DOK5: variants seen among roughly 807,000 people sequenced by gnomAD.
DOK5 encodes downstream of tyrosine kinase 5.
DOK5 carries 27 observed loss-of-function variants against 43.3 expected under a neutral mutation model. The observed-to-expected ratio is 0.62, with a 90% CI of 0.46 to 0.86. The LOEUF is 0.86. Among genes scored for constraint, DOK5 ranks in the 40% least tolerant of loss-of-function variants. DOK5 has a pLI of 0.00. For missense variants in DOK5, 373 were observed against 392.9 expected (o/e 0.95, Z 0.43); for synonymous variants, 146 against 140.1 (o/e 1.04, Z -0.30).
intron 1 of DOK5, among the ~76,000 whole-genome samples, chr20:54,476,436 C>T (rs1216744066): frequency 6.6e-6 from 1 of 152,130 alleles, no homozygotes; most frequent in Non-Finnish European, 1.5e-5. Flanking sequence ...CACGCATACT[C>T]GGTGTGAACG....
intron 1 of DOK5, among the ~76,000 whole-genome samples, chr20:54,480,992 A>ATCTATCTG (rs1328542240): frequency 5.5e-4 from 3 of 5,458 alleles, no homozygotes; most frequent in Non-Finnish European, 3.3e-3. Flanking sequence ...ATCATCTATC[A>ATCTATCTG]TCTATCTATC....
chr20:54,534,819 G>GTTTC (rs112769125), intron 1 of DOK5, among the ~76,000 whole-genome samples: 7,242 of 150,532 alleles, frequency 0.048, 349 homozygotes, highest in African/African-American at 0.12. Flanking sequence ...TTGAAAGCAT[G>GTTTC]TTTCTTTCTT....
rs549389683 is a variant in DOK5, at chr20:54,565,219, C to T, written c.174+10179C>T. On this transcript the variant is annotated intron_variant, in intron 2 of 7. Coordinates refer to ENST00000262593, the MANE Select transcript of DOK5 (RefSeq NM_018431.5). ...CTATGTTTTTTCCTATCCATACATA[C>T]CTATGATAAAGTTTAATTCATAAAT... is the stretch of plus-strand genomic sequence containing the variant. Among the ~76,000 whole-genome samples the T allele has an allele frequency of 2.6e-5, 4 of 152,218 alleles. No individual in the cohort carries two copies. The South Asian group carries it at 8.3e-4, about 32-fold the overall frequency.
chr20:54,527,094 TA>T (rs1237482189), intron 1 of DOK5, among the ~76,000 whole-genome samples: 1 of 152,216 alleles, frequency 6.6e-6, no homozygotes, highest in Non-Finnish European at 1.5e-5. Flanking sequence ...ATTTCCTTAA[TA>T]TTTCTGTCTA....
chr20:54,630,132 G>A (rs759664195), intron 6 of DOK5, among the ~76,000 whole-genome samples: 7 of 152,158 alleles, frequency 4.6e-5, no homozygotes, highest in Non-Finnish European at 8.8e-5. Flanking sequence ...CCAGAGCAAG[G>A]GTACGAGCAA....
chr20:54,573,072 A>G (rs1985342550), intron 2 of DOK5, among the ~76,000 whole-genome samples: 3 of 152,224 alleles, frequency 2.0e-5, no homozygotes, highest in African/African-American at 4.8e-5. Flanking sequence ...TATAAGCAAA[A>G]TATGTAGAGT....
chr20:54,584,798 C>A (rs1482018648), intron 2 of DOK5, among the ~76,000 whole-genome samples: 5 of 150,410 alleles, frequency 3.3e-5, no homozygotes, highest in Non-Finnish European at 1.5e-5. Context: ...CACACACACA[C>A]CTTTTCCAGT....
At chr20:54,537,080 C>G (rs77303715) in intron 1 of DOK5, among the ~76,000 whole-genome samples, 3,019 of 152,266 alleles carry the variant, frequency 0.02, 99 homozygotes, top group African/African-American at 0.07. Context: ...CATGAGCAGA[C>G]AGAATCCCTA....
chr20:54,576,899 C>G (rs1052948506), intron 2 of DOK5, among the ~76,000 whole-genome samples: 55 of 152,116 alleles, frequency 3.6e-4, no homozygotes, highest in Non-Finnish European at 1.5e-5. Context: ...TTTCGCATTT[C>G]CAAGTGGTGT....
chr20:54,569,123 A>G (rs1985200928), intron 2 of DOK5, among the ~76,000 whole-genome samples: 1 of 152,126 alleles, frequency 6.6e-6, no homozygotes. Context: ...ACACATATAA[A>G]TTAGTTTTAG....
chr20:54,495,670 C>A (rs1223055441), intron 1 of DOK5, among the ~76,000 whole-genome samples: 2 of 152,142 alleles, frequency 1.3e-5, no homozygotes, highest in Admixed American at 1.3e-4. Flanking sequence ...GTGGGCTGAT[C>A]ACCTGAGGTC....
At chr20:54,546,919 T>C (rs1984367469) in intron 1 of DOK5, among the ~76,000 whole-genome samples, 1 of 152,138 alleles carries the variant, frequency 6.6e-6, no homozygotes, top group African/African-American at 2.4e-5. Flanking sequence ...CAAGTCAACA[T>C]TTTAATAGAG....
chr20:54,616,210 CA>C (rs1410111979), intron 6 of DOK5, among the ~76,000 whole-genome samples: 3 of 152,142 alleles, frequency 2.0e-5, no homozygotes, highest in African/African-American at 7.2e-5. Context: ...GACCCCAAAC[CA>C]CCAGCTTAGA....
intron 1 of DOK5, among the ~76,000 whole-genome samples, chr20:54,501,421 T>C (rs886843606): frequency 7.4e-6 from 1 of 134,800 alleles, no homozygotes; most frequent in African/African-American, 2.9e-5. Context: ...GAGCCGAGAT[T>C]GCGGCACTGC....
chr20:54,568,195 A>G lies in DOK5; in HGVS notation c.174+13155A>G, dbSNP rs1985157133. On this transcript the variant is annotated intron_variant, in intron 2 of 7. Coordinates refer to ENST00000262593, the MANE Select transcript of DOK5 (RefSeq NM_018431.5). ...TATTCTGAAGAAACACACAATACACATAATGACATAAGAAAAACAAGACAA... is the reference window on the plus strand; with the variant it reads ...TATTCTGAAGAAACACACAATACACGTAATGACATAAGAAAAACAAGACAA... 2.0e-5 allele frequency among the ~76,000 whole-genome samples: 3 copies of G among 152,256 alleles called. No individual in the cohort carries two copies. The South Asian group carries it at 6.2e-4, about 31-fold the overall frequency.
At chr20:54,507,207 G>A (rs906466857) in intron 1 of DOK5, among the ~76,000 whole-genome samples, 1 of 152,172 alleles carries the variant, frequency 6.6e-6, no homozygotes, top group Admixed American at 6.5e-5. Context: ...GGGGGACTGA[G>A]TGGGGATAAA....
At chr20:54,522,349 C>T (rs1983432574) in intron 1 of DOK5, among the ~76,000 whole-genome samples, 1 of 152,152 alleles carries the variant, frequency 6.6e-6, no homozygotes, top group Non-Finnish European at 1.5e-5. Flanking sequence ...GACACTCAAT[C>T]AGTACTTACT....
At chr20:54,498,339 C>A (rs1982475851) in intron 1 of DOK5, among the ~76,000 whole-genome samples, 1 of 152,178 alleles carries the variant, frequency 6.6e-6, no homozygotes, top group Non-Finnish European at 1.5e-5. Flanking sequence ...TTTTCAGCAA[C>A]ATCTCTCCCA....
At chr20:54,575,566 G>A (rs1985427837) in intron 2 of DOK5, among the ~76,000 whole-genome samples, 1 of 152,098 alleles carries the variant, frequency 6.6e-6, no homozygotes, top group Non-Finnish European at 1.5e-5. Flanking sequence ...TCAGCCTCCT[G>A]AGTAGCTGGG....
Sources: allele counts gnomAD v4.1 joint callset (sites outside exome capture counted in the v4.1 genomes callset), GRCh38; gene constraint gnomAD v4.1.1; transcripts MANE v1.5; gene names NCBI Gene and HGNC (gene_info 2026-07-23, HGNC 2026-07-21).